Variants in BPIFB4 observed in about 807,000 individuals in gnomAD.
BPIFB4 encodes BPI fold-containing family B member 4.
BPIFB4 carries 62 observed loss-of-function variants against 69.2 expected under a neutral mutation model. That is an observed-to-expected ratio of 0.90 (90% confidence interval 0.73 to 1.11). The LOEUF (loss-of-function observed/expected upper bound fraction) is 1.11. Among genes scored for constraint, BPIFB4 ranks in the 50% least tolerant of loss-of-function variants. BPIFB4 has a pLI of 0.00. For missense variants in BPIFB4, 789 were observed against 792.0 expected, an observed-to-expected ratio of 1.00 and a Z score of 0.04; for synonymous variants, 330 against 332.7, an observed-to-expected ratio of 0.99 and a Z score of 0.09.
intron 17 of BPIFB4, among the ~76,000 whole-genome samples, chr20:33,108,038 C>CAATTAG (rs1982120980): frequency 6.6e-6 from 1 of 152,222 alleles, no homozygotes; most frequent in African/African-American, 2.4e-5. Context: ...ATTTAGCCCT[C>CAATTAG]ACCACAGGTG....
chr20:33,090,312 T>C (rs1480193423), intron 9 of BPIFB4, among the ~76,000 whole-genome samples: 4 of 152,240 alleles, frequency 2.6e-5, no homozygotes. Context: ...AAGCTGGGGC[T>C]GTTCATTACA....
chr20:33,100,962 A>G lies in BPIFB4; in HGVS notation c.1637+469A>G, dbSNP rs142907412. The stretch of plus-strand genomic sequence containing the variant: ...TCCCAGCTACTCAGGAGGCTGAGGC[A>G]GGAGCCCAGGAGCTTGAGGTTGTGG... On this transcript the variant is annotated intron_variant, in intron 14 of 17. Coordinates refer to ENST00000375483, the MANE Select transcript of BPIFB4 (RefSeq NM_182519.3). Among the ~76,000 whole-genome samples the G allele has an allele frequency of 4.7e-4, 72 of 152,324 alleles. 1 individual carries two copies. Among genetic ancestry groups the G allele is most frequent in the African/African-American group, 1.7e-3 (71 of 41,568 alleles).
In BPIFB4 at chr20:33,102,969, C is replaced by T. The variant is rs1981947311; in HGVS notation, c.1638-3C>T. The T allele has an allele frequency of 1.2e-6, 2 of 1,614,072 alleles. No homozygotes were observed. Among genetic ancestry groups the T allele is most frequent in the Non-Finnish European group, 8.5e-7 (1 of 1,179,920 alleles). Reference sequence around the variant, plus strand: ...TCTCACAGGCTGTTTTCTTCGTCTACAGGACCAGCCTCAACCTCAGAACCT... The same window carrying T: ...TCTCACAGGCTGTTTTCTTCGTCTATAGGACCAGCCTCAACCTCAGAACCT... On this transcript the variant is annotated splice_polypyrimidine_tract_variant and splice_region_variant and intron_variant, in intron 14 of 17. Transcript: ENST00000375483.
At position 33,095,167 on chromosome 20, in the gene BPIFB4, G is replaced by A; in HGVS notation, c.1398+14G>A. The A allele has an allele frequency of 1.9e-6, 3 of 1,596,640 alleles. No homozygotes were observed. The highest frequency in any genetic ancestry group is 2.6e-6 in the Non-Finnish European group (3 of 1,164,138). On this transcript the variant is annotated intron_variant, in intron 12 of 17. Coordinates refer to ENST00000375483, the MANE Select transcript of BPIFB4 (RefSeq NM_182519.3). ...CTGATCCCCAAGGTATGTAAGGTGG[G>A]CAGGTCCCATTGCCTTCAGCCTCAT...
intron 14 of BPIFB4, 149 bp from the exon 15 acceptor site, chr20:33,102,823 T>A: frequency 1.2e-6 from 1 of 813,354 alleles, no homozygotes; most frequent in Non-Finnish European, 2.1e-6. Flanking sequence ...GCTCAGCATG[T>A]GAGAGCCAGC....
At chr20:33,079,789 G>A (rs1297058860) in intron 1 of BPIFB4, 86 bp downstream of exon 1, 1 of 152,236 alleles carries the variant, frequency 6.6e-6, no homozygotes, top group African/African-American at 2.4e-5. Context: ...TCCCAGCCTG[G>A]AGATCCATCA....
intron 6 of BPIFB4, 42 bp from the exon 7 acceptor site, chr20:33,085,978 TG>T (rs1415181995): frequency 6.3e-7 from 1 of 1,580,150 alleles, no homozygotes; most frequent in Non-Finnish European, 8.7e-7. Flanking sequence ...TCCTGGCGGC[TG>T]GGGGTGACTC....
At position 33,097,638 on chromosome 20, in the gene BPIFB4, T is replaced by A; in HGVS notation, c.1420T>A (p.Ser474Thr). ...IPKVFQQYPE[S>T]CPLIIRIQVL... ...ACAGGTGTTCCAGCAGTACCCCGAG[T>A]CCTGCCCACTTATCATCAGGATCCA... Residue 474 changes from serine to threonine, a missense_variant, in exon 13 of 18, where the codon TCC becomes ACC. Physicochemically the swap from Ser to Thr is moderately conservative, Grantham distance 58. This residue lies in a region of BPIFB4 where 170 missense variants were observed against 193.6 expected (regional missense o/e 0.88). Coordinates refer to ENST00000375483, the MANE Select transcript of BPIFB4 (RefSeq NM_182519.3). 1 of 1,614,000 alleles carries A rather than the reference T, an allele frequency of 6.2e-7. No homozygotes were observed.
chr20:33,097,513 G>A, intron 12 of BPIFB4, 104 bp from the exon 13 acceptor site: 2 of 1,276,122 alleles, frequency 1.6e-6, no homozygotes, highest in Non-Finnish European at 2.2e-6. Flanking sequence ...TTGGACTCAA[G>A]CAACATGAGA....
intron 14 of BPIFB4, 47 bp from the exon 15 acceptor site, chr20:33,102,925 T>C: frequency 6.3e-7 from 1 of 1,594,878 alleles, no homozygotes; most frequent in Non-Finnish European, 8.6e-7. Context: ...AGCCTTATGA[T>C]TTTCAGGCAA....
chr20:33,090,649 G>C, intron 9 of BPIFB4, 59 bp from the exon 10 acceptor site: 3 of 1,602,986 alleles, frequency 1.9e-6, no homozygotes, highest in Non-Finnish European at 2.6e-6. Flanking sequence ...CAGTGTATGA[G>C]GAGGGAAGGC....
chr20:33,100,596 G>C, intron 14 of BPIFB4, 103 bp downstream of exon 14: 1 of 1,094,606 alleles, frequency 9.1e-7, no homozygotes, highest in Non-Finnish European at 1.3e-6. Context: ...TCAGGGCTGG[G>C]TAAACCCAAG....
chr20:33,102,835 T>C (rs1439431834), intron 14 of BPIFB4, 137 bp from the exon 15 acceptor site: 2 of 875,180 alleles, frequency 2.3e-6, no homozygotes, highest in Non-Finnish European at 3.8e-6. Context: ...AGAGCCAGCA[T>C]TGTTCTTATT....
intron 11 of BPIFB4, among the ~76,000 whole-genome samples, chr20:33,093,546 C>A (rs1256905979): frequency 1.0e-5 from 1 of 96,256 alleles, no homozygotes; most frequent in Non-Finnish European, 2.3e-5. Context: ...ATCAACCCAC[C>A]CATCCTTCCA....
chr20:33,089,416 T>C, intron 8 of BPIFB4, 82 bp from the exon 9 acceptor site: 1 of 1,599,220 alleles, frequency 6.3e-7, no homozygotes, highest in Non-Finnish European at 8.6e-7. Flanking sequence ...AAATTTTAGC[T>C]ATCGTTACTC....
At chr20:33,098,604 A>T (rs2146412169) in intron 13 of BPIFB4, among the ~76,000 whole-genome samples, 1 of 151,836 alleles carries the variant, frequency 6.6e-6, no homozygotes, top group Middle Eastern at 3.4e-3. Context: ...AATCAGCTGG[A>T]TGTGGTGGCA....
In BPIFB4 at chr20:33,083,712, T is replaced by C. The variant is rs1981326116; in HGVS notation, c.515T>C (p.Leu172Pro). The C allele has an allele frequency of 6.2e-7, 1 of 1,613,774 alleles. No individual in the cohort carries two copies. ...ATGAVGPGGL[L>P]GTGGMLAADG... ...GGGGCGGTGGGCCCAGGTGGTTTGCTGGGCACTGGAGGCATGCTGGCAGCT... is the reference window on the plus strand; with the variant it reads ...GGGGCGGTGGGCCCAGGTGGTTTGCCGGGCACTGGAGGCATGCTGGCAGCT... Residue 172 changes from leucine (L) to proline (P), a missense_variant, in exon 5 of 18, where the codon CTG becomes CCG. Physicochemically the swap from Leu to Pro is moderately conservative, Grantham distance 98. This residue lies in a region of BPIFB4 where 611 missense variants were observed against 575.4 expected (regional missense o/e 1.06). Coordinates refer to ENST00000375483, the MANE Select transcript of BPIFB4 (RefSeq NM_182519.3).
Position 33,086,300 on chromosome 20 carries a change from A to T in BPIFB4, c.926+136A>T, listed in dbSNP as rs541709460. 4.3e-6 allele frequency: 5 copies of T among 1,168,496 alleles called. No homozygotes were observed. In the African/African-American group the frequency reaches 4.5e-5, roughly 11 times the overall value. The allele number at this position is 1,168,496 out of a possible 1,614,324, so 72.4% of individuals were successfully genotyped here. A position where few individuals can be genotyped will look rare whatever the true frequency, so the allele number is the denominator to read the frequency against. On this transcript the variant is annotated intron_variant, in intron 7 of 17. Transcript: ENST00000375483. ...TGATGCTGTGGGGTGGTGAGTACTCATGCTGAGCCAGCTGTACTCTCACCT... is the reference window on the plus strand; with the variant it reads ...TGATGCTGTGGGGTGGTGAGTACTCTTGCTGAGCCAGCTGTACTCTCACCT...
At chr20:33,092,744 T>C (rs969378447) in intron 11 of BPIFB4, 86 bp downstream of exon 11, 2 of 1,354,648 alleles carry the variant, frequency 1.5e-6, no homozygotes, top group Admixed American at 1.7e-5. Context: ...CTTGGGGAAT[T>C]TGCTGTGAAG....
Sources: gnomAD v4.1 joint callset for allele counts (sites outside exome capture counted in the v4.1 genomes callset) on GRCh38, gnomAD v4.1.1 for gene constraint, gnomAD v4.1.1 regional missense constraint, MANE v1.5 for transcripts, NCBI Gene and HGNC (gene_info 2026-07-23, HGNC 2026-07-21) for gene names.